The following VSNL1 variants were observed in gnomAD, a reference collection of about 807,000 sequenced individuals.
The protein encoded by VSNL1 is visinin-like protein 1.
In VSNL1, 6 loss-of-function variants were observed where a neutral mutation model predicts 20.4. The ratio of observed to expected loss-of-function variants is 0.29; its 90% CI spans 0.16 to 0.58. VSNL1 has a LOEUF of 0.58. Among genes scored for constraint, VSNL1 ranks in the 20% least tolerant of loss-of-function variants. The pLI is 0.90. For synonymous variants in VSNL1, 93 were observed against 86.4 expected, an observed-to-expected ratio of 1.08 and a Z score of -0.42; for missense variants, 100 against 234.5, an observed-to-expected ratio of 0.43 and a Z score of 3.75.
chr2:17,645,889 GAA>G (rs1665980962), intron 2 of VSNL1, among the ~76,000 whole-genome samples: 1 of 152,180 alleles, frequency 6.6e-6, no homozygotes, highest in African/African-American at 2.4e-5. Context: ...CTCAGACTCT[GAA>G]ACTCTAGGCT....
intron 2 of VSNL1, among the ~76,000 whole-genome samples, chr2:17,603,030 T>C (rs942251504): frequency 2.0e-5 from 3 of 152,150 alleles, no homozygotes; most frequent in African/African-American, 7.2e-5. Context: ...CCAACATAGG[T>C]GCAGATTTTC....
intron 2 of VSNL1, among the ~76,000 whole-genome samples, chr2:17,646,753 T>C (rs189669248): frequency 2.1e-4 from 32 of 152,268 alleles, no homozygotes; most frequent in Admixed American, 2.0e-3. Context: ...TAAAAAGAAA[T>C]TGAACAAGAG....
In VSNL1 at chr2:17,637,538, G is replaced by A. The variant is rs560275250; in HGVS notation, c.163-11872G>A. Among the ~76,000 whole-genome samples the A allele has an allele frequency of 2.0e-4, 30 of 152,160 alleles. No individual in the cohort carries two copies. The South Asian group carries it at 6.2e-3, about 32-fold the overall frequency. On this transcript the variant is annotated intron_variant, in intron 2 of 3. Coordinates refer to ENST00000295156, the MANE Select transcript of VSNL1 (RefSeq NM_003385.5). ...CTGGCCCATCTCCAGCTACCATCCAGCCCCCAACCCCACCCCAGGATGCCT... is the reference window on the plus strand; with the variant it reads ...CTGGCCCATCTCCAGCTACCATCCAACCCCCAACCCCACCCCAGGATGCCT...
chr2:17,651,551 T>C (rs1666123063), intron 3 of VSNL1, among the ~76,000 whole-genome samples: 1 of 152,254 alleles, frequency 6.6e-6, no homozygotes, highest in Non-Finnish European at 1.5e-5. Flanking sequence ...CAGAGTGGTC[T>C]TGTTTTTGCC....
Position 17,655,500 on chromosome 2 carries a change from C to CA in VSNL1, c.*109dup. The CA allele has an allele frequency of 1.0e-6, 1 of 954,646 alleles. No homozygotes were observed. The highest frequency in any genetic ancestry group is 1.9e-5 in the South Asian group (1 of 52,834). 59.1% of individuals were successfully genotyped at this position (954,646 alleles called of 1,614,324 possible). A position where few individuals can be genotyped will look rare whatever the true frequency, so the allele number is the denominator to read the frequency against. ...ACACACACACACACACACACACACACAAATATTGCTTGGACTACCTATAAA... is the reference window on the plus strand; with the variant it reads ...ACACACACACACACACACACACACACAAAATATTGCTTGGACTACCTATAAA... On this transcript the variant is annotated 3_prime_UTR_variant, in exon 4 of 4. Transcript: ENST00000295156. This position sits in a 1 kb window ranked among gnomAD's most constrained non-coding sequence, Gnocchi z 5.2.
At chr2:17,584,170 C>A (rs1558289651) in intron 1 of VSNL1, among the ~76,000 whole-genome samples, 1 of 152,122 alleles carries the variant, frequency 6.6e-6, no homozygotes, top group African/African-American at 2.4e-5. Flanking sequence ...CCAGCACACA[C>A]TTTTTTTCCC....
chr2:17,609,402 G>T (rs1665029212), intron 2 of VSNL1, among the ~76,000 whole-genome samples: 1 of 152,172 alleles, frequency 6.6e-6, no homozygotes, highest in South Asian at 2.1e-4. Flanking sequence ...CTTCATTTTG[G>T]TTGGCCACAT....
intron 2 of VSNL1, among the ~76,000 whole-genome samples, chr2:17,642,395 G>A (rs1389413575): frequency 1.4e-5 from 2 of 141,208 alleles, no homozygotes; most frequent in East Asian, 2.0e-4. Flanking sequence ...TGCAAGCTCC[G>A]CCTCCCAGCT....
intron 2 of VSNL1, among the ~76,000 whole-genome samples, chr2:17,622,710 CA>C (rs1412414417): frequency 1.3e-5 from 2 of 152,058 alleles, no homozygotes; most frequent in Non-Finnish European, 2.9e-5. Flanking sequence ...GGCTCATGGA[CA>C]CATAGAAGTG....
chr2:17,654,333 C>T (rs1666180806), intron 3 of VSNL1, among the ~76,000 whole-genome samples: 1 of 152,044 alleles, frequency 6.6e-6, no homozygotes, highest in Admixed American at 6.6e-5. Context: ...AAACAGAGTC[C>T]CTGCTCCACA....
At chr2:17,647,071 A>G (rs1186132202) in intron 2 of VSNL1, among the ~76,000 whole-genome samples, 1 of 152,230 alleles carries the variant, frequency 6.6e-6, no homozygotes, top group Non-Finnish European at 1.5e-5. Flanking sequence ...AAGTCAGTAT[A>G]TAGACCTTCT....
chr2:17,653,568 T>G (rs1384574000), intron 3 of VSNL1, among the ~76,000 whole-genome samples: 1 of 152,240 alleles, frequency 6.6e-6, no homozygotes, highest in African/African-American at 2.4e-5. Flanking sequence ...AAAGTCTGCC[T>G]CTTTTAGAGA....
intron 1 of VSNL1, among the ~76,000 whole-genome samples, chr2:17,590,387 C>G (rs1446771478): frequency 6.6e-6 from 1 of 152,078 alleles, no homozygotes; most frequent in Middle Eastern, 3.2e-3. Flanking sequence ...ATTTCCACAC[C>G]CAGCTGTGGA....
intron 2 of VSNL1, among the ~76,000 whole-genome samples, chr2:17,603,729 A>G (rs2103386973): frequency 6.6e-6 from 1 of 152,332 alleles, no homozygotes; most frequent in South Asian, 2.1e-4. Context: ...CTAATCCACA[A>G]ACTGCCAAAC....
intron 2 of VSNL1, among the ~76,000 whole-genome samples, chr2:17,646,888 A>G (rs1006730623): frequency 6.6e-6 from 1 of 152,176 alleles, no homozygotes; most frequent in African/African-American, 2.4e-5. Context: ...TTTCTCTGTG[A>G]TGATCCATCT....
At chr2:17,591,987 G>A in intron 1 of VSNL1, 83 bp from the exon 2 acceptor site, 13 of 1,534,134 alleles carry the variant, frequency 8.5e-6, no homozygotes, top group East Asian at 2.3e-5. Context: ...CCATGGGACT[G>A]CTCAGAACTC....
chr2:17,542,053 C>T (rs1180686035), intron 1 of VSNL1, among the ~76,000 whole-genome samples: 1 of 152,106 alleles, frequency 6.6e-6, no homozygotes, highest in African/African-American at 2.4e-5. Context: ...TATCACTTTC[C>T]AGTTGAAGGC....
chr2:17,566,480 TC>T (rs1663946461), intron 1 of VSNL1, among the ~76,000 whole-genome samples: 1 of 152,194 alleles, frequency 6.6e-6, no homozygotes, highest in Non-Finnish European at 1.5e-5. Flanking sequence ...TTTTTCATTT[TC>T]TTAATCTTTA....
In VSNL1 at chr2:17,649,266, C is replaced by A; in HGVS notation, c.163-144C>A. On this transcript the variant is annotated intron_variant, in intron 2 of 3. Coordinates refer to ENST00000295156, the MANE Select transcript of VSNL1 (RefSeq NM_003385.5). The surrounding 1 kb of genome is among the most constrained non-coding windows in gnomAD (Gnocchi z 6.4). ...GCCTCCCCTAATGCCTGCCCTTGCC[C>A]TTGACAGTCAGGCCAAACTGCTCTC... is the stretch of plus-strand genomic sequence containing the variant. 1 of 752,806 alleles carries A rather than the reference C, an allele frequency of 1.3e-6. No individual in the cohort carries two copies. Among genetic ancestry groups the A allele is most frequent in the Non-Finnish European group, 2.2e-6 (1 of 445,968 alleles). The allele number at this position is 752,806 out of a possible 1,614,324, so 46.6% of individuals were successfully genotyped here. A position where few individuals can be genotyped will look rare whatever the true frequency, so the allele number is the denominator to read the frequency against.
Sources: allele counts gnomAD v4.1 joint callset (sites outside exome capture counted in the v4.1 genomes callset), GRCh38; gene constraint gnomAD v4.1.1; non-coding constraint Gnocchi (gnomAD v3.1); transcripts MANE v1.5; gene names NCBI Gene and HGNC (gene_info 2026-07-23, HGNC 2026-07-21).